Variants in NDUFAF2 observed in about 807,000 individuals in gnomAD.
NDUFAF2 encodes NADH:ubiquinone oxidoreductase complex assembly factor 2.
A neutral mutation model predicts 22.8 loss-of-function variants in NDUFAF2; 13 were observed. The observed-to-expected ratio is 0.57, with a 90% CI of 0.37 to 0.91. The LOEUF is 0.91. Among genes scored for constraint, NDUFAF2 ranks in the 40% least tolerant of loss-of-function variants. The probability of loss-of-function intolerance (pLI) is 0.01; values close to 1 mark genes in which losing one functional copy is unlikely to be tolerated. For missense variants in NDUFAF2, 162 were observed against 195.2 expected, an observed-to-expected ratio of 0.83 and a Z score of 1.01; for synonymous variants, 53 against 64.2, an observed-to-expected ratio of 0.83 and a Z score of 0.84.
intron 1 of NDUFAF2, among the ~76,000 whole-genome samples, chr5:61,068,082 CT>C (rs1326585047): frequency 6.6e-6 from 1 of 152,052 alleles, no homozygotes; most frequent in Non-Finnish European, 1.5e-5. Flanking sequence ...TAAAATATCA[CT>C]AATAAATCCA....
At chr5:61,052,342 G>C (rs575689339) in intron 1 of NDUFAF2, among the ~76,000 whole-genome samples, 1 of 151,990 alleles carries the variant, frequency 6.6e-6, no homozygotes, top group African/African-American at 2.4e-5. Context: ...ACGGAGTCTT[G>C]CTCTGTCGCC....
At chr5:60,947,129 A>C (rs1329660060) in intron 1 of NDUFAF2, among the ~76,000 whole-genome samples, 1 of 152,202 alleles carries the variant, frequency 6.6e-6, no homozygotes, top group African/African-American at 2.4e-5. Context: ...TCTCTTGGGT[A>C]AATATCTAGT....
chr5:61,007,853 G>A (rs575086247), intron 1 of NDUFAF2, among the ~76,000 whole-genome samples: 23 of 152,230 alleles, frequency 1.5e-4, no homozygotes, highest in Admixed American at 7.2e-4. Context: ...ACATGCACAC[G>A]TATGTTTATT....
chr5:61,086,947 C>G (rs1752511472), intron 2 of NDUFAF2, among the ~76,000 whole-genome samples: 1 of 152,004 alleles, frequency 6.6e-6, no homozygotes, highest in Non-Finnish European at 1.5e-5. Context: ...TTAAAATGGA[C>G]AAAAGGTATA....
intron 1 of NDUFAF2, among the ~76,000 whole-genome samples, chr5:60,986,283 T>C (rs970031337): frequency 2.0e-5 from 3 of 152,126 alleles, no homozygotes; most frequent in African/African-American, 4.8e-5. Context: ...ATGTGGTACA[T>C]TGTACAATAA....
chr5:61,129,566 C>T (rs1205278590), intron 3 of NDUFAF2, among the ~76,000 whole-genome samples: 2 of 149,816 alleles, frequency 1.3e-5, no homozygotes, highest in South Asian at 2.1e-4. Flanking sequence ...ACCACATGTT[C>T]TCACTCATAG....
intron 3 of NDUFAF2, among the ~76,000 whole-genome samples, chr5:61,144,203 G>A (rs1741098481): frequency 6.6e-6 from 1 of 151,902 alleles, no homozygotes; most frequent in East Asian, 1.9e-4. Context: ...TCATATATAT[G>A]TACATATAAG....
At chr5:60,955,603 A>G (rs912192335) in intron 1 of NDUFAF2, among the ~76,000 whole-genome samples, 1 of 152,190 alleles carries the variant, frequency 6.6e-6, no homozygotes, top group African/African-American at 2.4e-5. Flanking sequence ...TTTCTGGAAA[A>G]AAAAAGTCAT....
At chr5:61,065,910 C>T (rs1752221429) in intron 1 of NDUFAF2, among the ~76,000 whole-genome samples, 1 of 151,756 alleles carries the variant, frequency 6.6e-6, no homozygotes, top group Non-Finnish European at 1.5e-5. Context: ...TTATCTCTAT[C>T]TGTAGAAAAC....
At position 60,982,065 on chromosome 5, in the gene NDUFAF2, C is replaced by G. The variant is rs375433001; in HGVS notation, c.127+36683C>G. On this transcript the variant is annotated intron_variant, in intron 1 of 3. Transcript: ENST00000296597. Reference sequence around the variant, plus strand: ...GCAAAAATTTCCCCACAAGCACAAACAGCCAAAGCAAAAATGGACAAATAG... The same window carrying G: ...GCAAAAATTTCCCCACAAGCACAAAGAGCCAAAGCAAAAATGGACAAATAG... 7.2e-5 allele frequency among the ~76,000 whole-genome samples: 11 copies of G among 152,250 alleles called. No homozygotes were observed. The East Asian group carries it at 1.7e-3, about 24-fold the overall frequency.
intron 2 of NDUFAF2, among the ~76,000 whole-genome samples, chr5:61,095,582 G>GA (rs76290571): frequency 0.43 from 64,996 of 152,010 alleles, 14,632 homozygotes; most frequent in East Asian, 0.81. Flanking sequence ...CTATTGCCAG[G>GA]AAGTGTGGAG....
At chr5:61,118,138 C>T (rs1752935601) in intron 3 of NDUFAF2, among the ~76,000 whole-genome samples, 1 of 152,164 alleles carries the variant, frequency 6.6e-6, no homozygotes, top group Admixed American at 6.5e-5. Context: ...TCATCTGTCT[C>T]CCACTTTTCA....
At chr5:61,111,070 A>G (rs1752834416) in intron 3 of NDUFAF2, among the ~76,000 whole-genome samples, 1 of 152,096 alleles carries the variant, frequency 6.6e-6, no homozygotes, top group African/African-American at 2.4e-5. Flanking sequence ...TTCTTCATTG[A>G]CCCACTGATC....
intron 2 of NDUFAF2, among the ~76,000 whole-genome samples, chr5:61,079,775 C>A (rs944419387): frequency 6.6e-6 from 1 of 152,196 alleles, no homozygotes. Context: ...GTAGCTGTCA[C>A]CCAACTGGTA....
intron 1 of NDUFAF2, among the ~76,000 whole-genome samples, chr5:60,984,756 G>A (rs891886815): frequency 2.6e-5 from 4 of 152,168 alleles, no homozygotes; most frequent in Non-Finnish European, 4.4e-5. Flanking sequence ...ACTTGATCAT[G>A]GTGGATAAGC....
chr5:60,961,594 C>CA (rs36041608), intron 1 of NDUFAF2, among the ~76,000 whole-genome samples: 659 of 56,654 alleles, frequency 0.012, 37 homozygotes, highest in African/African-American at 0.038. Context: ...GACTCTGTCT[C>CA]AAAAAAAAAA....
chr5:61,126,764 G>A (rs893765104), intron 3 of NDUFAF2, among the ~76,000 whole-genome samples: 1 of 151,912 alleles, frequency 6.6e-6, no homozygotes, highest in Non-Finnish European at 1.5e-5. Context: ...AAACATCACA[G>A]TTGCCTCTGA....
At chr5:61,130,545 A>G (rs1561574020) in intron 3 of NDUFAF2, among the ~76,000 whole-genome samples, 1 of 152,088 alleles carries the variant, frequency 6.6e-6, no homozygotes, top group Non-Finnish European at 1.5e-5. Flanking sequence ...GCCCAGTCCA[A>G]GATTTTCTGA....
intron 3 of NDUFAF2, among the ~76,000 whole-genome samples, chr5:61,111,686 T>C (rs1316031159): frequency 6.6e-6 from 1 of 151,804 alleles, no homozygotes; most frequent in African/African-American, 2.4e-5. Flanking sequence ...GGGCATGATC[T>C]CAGGTCACTC....
Sources: gnomAD v4.1 joint callset for allele counts (sites outside exome capture counted in the v4.1 genomes callset) on GRCh38, gnomAD v4.1.1 for gene constraint, MANE v1.5 for transcripts, NCBI Gene and HGNC (gene_info 2026-07-23, HGNC 2026-07-21) for gene names.